PGM2L1: variants seen among roughly 807,000 people sequenced by gnomAD.
PGM2L1 encodes glucose 1,6-bisphosphate synthase.
PGM2L1 carries 35 observed loss-of-function variants against 73.4 expected under a neutral mutation model. The ratio of observed to expected loss-of-function variants is 0.48; its 90% CI spans 0.36 to 0.63. The LOEUF (loss-of-function observed/expected upper bound fraction) is 0.63. Ranked by LOEUF, PGM2L1 falls within the 30% of genes least tolerant of loss-of-function variation. PGM2L1 has a pLI of 0.00. For synonymous variants in PGM2L1, 225 were observed against 253.8 expected (o/e 0.89, Z 1.08); for missense variants, 570 against 742.0 (o/e 0.77, Z 2.69).
chr11:74,346,969 G>T, intron 7 of PGM2L1, 140 bp from the exon 8 acceptor site: 1 of 952,380 alleles, frequency 1.0e-6, no homozygotes, highest in Non-Finnish European at 1.6e-6. Context: ...GAAGCCAAAA[G>T]TAGGGACACC....
At chr11:74,352,563 A>G (rs998569676) in intron 5 of PGM2L1, among the ~76,000 whole-genome samples, 3 of 152,214 alleles carry the variant, frequency 2.0e-5, no homozygotes, top group African/African-American at 7.2e-5. Flanking sequence ...TACCATGCAT[A>G]TGACACAAAT....
intron 10 of PGM2L1, 104 bp downstream of exon 10, chr11:74,343,219 T>C: frequency 7.1e-7 from 1 of 1,407,412 alleles, no homozygotes; most frequent in Non-Finnish European, 9.3e-7. Flanking sequence ...TCTGTAGTTT[T>C]TACAACTCAA....
intron 5 of PGM2L1, among the ~76,000 whole-genome samples, chr11:74,366,146 G>T (rs1260465386): frequency 6.6e-6 from 1 of 151,804 alleles, no homozygotes; most frequent in African/African-American, 2.4e-5. Context: ...CTCATTCATA[G>T]GTGGGAATTG....
chr11:74,384,896 C>T (rs1862998401), intron 1 of PGM2L1, among the ~76,000 whole-genome samples: 1 of 152,112 alleles, frequency 6.6e-6, no homozygotes, highest in Admixed American at 6.5e-5. Context: ...GCCTAGATTC[C>T]AACTTTTGTC....
chr11:74,391,018 A>C (rs1863094273), intron 1 of PGM2L1, among the ~76,000 whole-genome samples: 1 of 152,144 alleles, frequency 6.6e-6, no homozygotes, highest in Non-Finnish European at 1.5e-5. Context: ...AAAGTTCTGG[A>C]GATCTGTTTT....
chr11:74,383,277 A>G (rs1012287505), intron 1 of PGM2L1, among the ~76,000 whole-genome samples: 1 of 152,166 alleles, frequency 6.6e-6, no homozygotes, highest in African/African-American at 2.4e-5. Flanking sequence ...TAAGGGAGTA[A>G]GTATATAAAC....
rs1565431953 is a variant in PGM2L1, at chr11:74,333,930, C to CTGA, written c.*2721_*2722insTCA. The CTGA allele has an allele frequency of 1.4e-5, 2 of 141,922 alleles. No homozygotes were observed. Among genetic ancestry groups the CTGA allele is most frequent in the Non-Finnish European group, 3.3e-5 (2 of 60,714 alleles). The allele number at this position is 141,922 out of a possible 1,614,324, so 8.8% of individuals were successfully genotyped here. A position where few individuals can be genotyped will look rare whatever the true frequency, so the allele number is the denominator to read the frequency against. ...AAGAAAAAGATAAACATTGTAGTGC[C>CTGA]CGAGGCTGAGACCTCCTAGCCAGCA... On this transcript the variant is annotated 3_prime_UTR_variant, in exon 14 of 14. Coordinates refer to ENST00000298198, the MANE Select transcript of PGM2L1 (RefSeq NM_173582.6).
At chr11:74,342,054 T>C (rs948352286) in intron 12 of PGM2L1, among the ~76,000 whole-genome samples, 4 of 152,098 alleles carry the variant, frequency 2.6e-5, no homozygotes, top group African/African-American at 9.7e-5. Context: ...GCCATCTTGG[T>C]TTTAGCTGAT....
chr11:74,372,870 C>T (rs1289388035), intron 2 of PGM2L1, among the ~76,000 whole-genome samples: 1 of 152,198 alleles, frequency 6.6e-6, no homozygotes, highest in Non-Finnish European at 1.5e-5. Flanking sequence ...TGAGTGAGTG[C>T]ATGCTTAGTA....
At chr11:74,388,109 T>A (rs549186981) in intron 1 of PGM2L1, among the ~76,000 whole-genome samples, 2 of 152,302 alleles carry the variant, frequency 1.3e-5, no homozygotes, top group East Asian at 3.9e-4. Flanking sequence ...ATAGTCAAAT[T>A]CATAGAATTA....
At chr11:74,354,853 T>C in intron 5 of PGM2L1, 1 of 868,686 alleles carries the variant, frequency 1.2e-6, no homozygotes, top group Non-Finnish European at 1.9e-6. Flanking sequence ...ACTGTAATCA[T>C]GACTGACCGA....
intron 5 of PGM2L1, among the ~76,000 whole-genome samples, chr11:74,358,381 A>G (rs2134908649): frequency 6.6e-6 from 1 of 152,364 alleles, no homozygotes; most frequent in Non-Finnish European, 1.5e-5. Flanking sequence ...TCTTATAAAT[A>G]CATGAAAAGA....
intron 6 of PGM2L1, among the ~76,000 whole-genome samples, chr11:74,347,722 C>T (rs1862290807): frequency 6.6e-6 from 1 of 152,164 alleles, no homozygotes; most frequent in Non-Finnish European, 1.5e-5. Flanking sequence ...TGCAAAGTAC[C>T]TAATTACACT....
chr11:74,336,624 C>A lies in PGM2L1; in HGVS notation c.*28G>T. ...TCGGTTGCTCTGTTCCATATGCCCACACAGTGTCATGACATATTGGTGTAC... is the reference window on the plus strand; with the variant it reads ...TCGGTTGCTCTGTTCCATATGCCCAAACAGTGTCATGACATATTGGTGTAC... On this transcript the variant is annotated 3_prime_UTR_variant, in exon 14 of 14. Transcript: ENST00000298198. 1 of 1,498,106 alleles carries A rather than the reference C, an allele frequency of 6.7e-7. No individual in the cohort carries two copies. The highest frequency in any genetic ancestry group is 9.2e-7 in the Non-Finnish European group (1 of 1,090,180). 92.8% of individuals were successfully genotyped at this position (1,498,106 alleles called of 1,614,324 possible).
chr11:74,390,005 G>A (rs1421136150), intron 1 of PGM2L1, among the ~76,000 whole-genome samples: 1 of 139,544 alleles, frequency 7.2e-6, no homozygotes, highest in Non-Finnish European at 1.5e-5. Context: ...TGTAGTCCCA[G>A]CTACTCGGGA....
chr11:74,395,249 T>C (rs1411748924), intron 1 of PGM2L1, among the ~76,000 whole-genome samples: 1 of 152,184 alleles, frequency 6.6e-6, no homozygotes, highest in Non-Finnish European at 1.5e-5. Context: ...CTATTTTCTT[T>C]AAAGATATGA....
chr11:74,376,404 C>G (rs760852043), intron 1 of PGM2L1, among the ~76,000 whole-genome samples: 3 of 151,586 alleles, frequency 2.0e-5, no homozygotes, highest in Non-Finnish European at 4.4e-5. Flanking sequence ...CAATTTAACT[C>G]CAGTTACAAA....
chr11:74,395,745 G>A (rs1863166253), intron 1 of PGM2L1, among the ~76,000 whole-genome samples: 1 of 151,728 alleles, frequency 6.6e-6, no homozygotes, highest in Admixed American at 6.6e-5. Context: ...TTCTAATGAA[G>A]TCTTCCTTGA....
intron 1 of PGM2L1, among the ~76,000 whole-genome samples, chr11:74,383,976 C>G (rs1224885916): frequency 6.6e-6 from 1 of 151,612 alleles, no homozygotes; most frequent in Non-Finnish European, 1.5e-5. Flanking sequence ...TCCTTTGTAA[C>G]CCCAAACTCT....
Sources: gnomAD v4.1 joint callset for allele counts (sites outside exome capture counted in the v4.1 genomes callset) on GRCh38, gnomAD v4.1.1 for gene constraint, MANE v1.5 for transcripts, NCBI Gene and HGNC (gene_info 2026-07-23, HGNC 2026-07-21) for gene names.